The following JDP2 variants were observed in gnomAD, a reference collection of about 807,000 sequenced individuals.
JDP2 encodes the protein progesterone receptor co-activator.
JDP2 carries 9 observed loss-of-function variants against 17.1 expected under a neutral mutation model. The ratio of observed to expected loss-of-function variants is 0.53; its 90% CI spans 0.32 to 0.92. The LOEUF is 0.92. Ranked by LOEUF, JDP2 falls within the 40% of genes least tolerant of loss-of-function variation. The pLI is 0.04. For missense variants in JDP2, 179 were observed against 220.0 expected, an observed-to-expected ratio of 0.81 and a Z score of 1.18; for synonymous variants, 107 against 95.6, an observed-to-expected ratio of 1.12 and a Z score of -0.69.
At chr14:75,438,865 C>G (rs111790039) in intron 2 of JDP2, among the ~76,000 whole-genome samples, 3 of 152,262 alleles carry the variant, frequency 2.0e-5, no homozygotes, top group African/African-American at 4.8e-5. Flanking sequence ...GGCATGCCCC[C>G]GGCGACTTGC....
At chr14:75,441,336 T>G (rs550694243) in intron 2 of JDP2, among the ~76,000 whole-genome samples, 1 of 152,380 alleles carries the variant, frequency 6.6e-6, no homozygotes, top group South Asian at 2.1e-4. Context: ...TGCTTTGTGC[T>G]GATGTCATTA....
intron 1 of JDP2, among the ~76,000 whole-genome samples, chr14:75,431,703 G>T (rs1218755304): frequency 6.6e-6 from 1 of 152,224 alleles, no homozygotes; most frequent in East Asian, 1.9e-4. Flanking sequence ...ATGCAAGATG[G>T]TCCTGCCCCC....
intron 1 of JDP2, 86 bp from the exon 2 acceptor site, chr14:75,437,812 C>A: frequency 2.3e-6 from 2 of 885,162 alleles, no homozygotes; most frequent in Non-Finnish European, 3.3e-6. Flanking sequence ...GTGAAAGAAG[C>A]CACAGTCCTG....
At chr14:75,468,135 G>A (rs1437665673) in intron 3 of JDP2, among the ~76,000 whole-genome samples, 3 of 152,102 alleles carry the variant, frequency 2.0e-5, no homozygotes, top group East Asian at 1.9e-4. Flanking sequence ...TGTCACATAC[G>A]CAGTTGCAAC....
At chr14:75,456,699 C>T (rs1340660275) in intron 2 of JDP2, among the ~76,000 whole-genome samples, 1 of 152,212 alleles carries the variant, frequency 6.6e-6, no homozygotes, top group Non-Finnish European at 1.5e-5. Context: ...TTCCTGCCTC[C>T]CTGTGCCTGG....
chr14:75,432,562 T>A (rs1199139915), intron 1 of JDP2, among the ~76,000 whole-genome samples: 1 of 152,202 alleles, frequency 6.6e-6, no homozygotes, highest in Non-Finnish European at 1.5e-5. Context: ...CCTTGGCTTG[T>A]CACTCTCACC....
rs1886838812 is a variant in JDP2 at position 75,472,616 on chromosome 14, C to A, written c.*3141C>A. On this transcript the variant is annotated 3_prime_UTR_variant, in exon 4 of 4. Transcript: ENST00000651602. ...TCTGTGAAGTGGGAACAGTAATAAT[C>A]CAAGTCTTTTTATGGAGTTATCAAG... is the stretch of plus-strand genomic sequence containing the variant. The A allele has an allele frequency of 6.6e-6, 1 of 152,152 alleles. No homozygotes were observed. Among genetic ancestry groups the A allele is most frequent in the Non-Finnish European group, 1.5e-5 (1 of 68,040 alleles). The allele number at this position is 152,152 out of a possible 1,614,324, so 9.4% of individuals were successfully genotyped here.
In JDP2 at chr14:75,428,094, A is replaced by G. The variant is rs1408474788; in HGVS notation, c.-182A>G. The G allele has an allele frequency of 1.4e-5, 2 of 146,870 alleles. No individual in the cohort carries two copies. Among genetic ancestry groups the G allele is most frequent in the African/African-American group, 4.9e-5 (2 of 40,684 alleles). 9.1% of individuals were successfully genotyped at this position (146,870 alleles called of 1,614,324 possible). On this transcript the variant is annotated 5_prime_UTR_variant, in exon 1 of 4. Transcript: ENST00000651602. The surrounding 1 kb of genome is among the most constrained non-coding windows in gnomAD (Gnocchi z 5.6). ...GGGCGCTGGCGGCGGCGGACGCTGCAGCGGCGGCGGGGCTGGCGCCGCGGC... is the reference window on the plus strand; with the variant it reads ...GGGCGCTGGCGGCGGCGGACGCTGCGGCGGCGGCGGGGCTGGCGCCGCGGC...
chr14:75,473,425 C>G lies in JDP2; in HGVS notation c.*3950C>G, dbSNP rs1251260374. The G allele has an allele frequency of 6.6e-6, 1 of 152,172 alleles. No homozygotes were observed. Among genetic ancestry groups the G allele is most frequent in the Admixed American group, 6.5e-5 (1 of 15,282 alleles). The allele number at this position is 152,172 out of a possible 1,614,324, so 9.4% of individuals were successfully genotyped here. On this transcript the variant is annotated 3_prime_UTR_variant, in exon 4 of 4. Transcript: ENST00000651602. ...ACTGTGCAAAGCAATTTGGAAATAA[C>G]CAGTAAAACTAAAGCTAAACGCATC...
chr14:75,453,058 G>A (rs78194777), intron 2 of JDP2, among the ~76,000 whole-genome samples: 1,560 of 152,234 alleles, frequency 0.01, 22 homozygotes, highest in East Asian at 0.037. Flanking sequence ...GTTGGCTGAG[G>A]GCCCCTGGGG....
Position 75,428,559 on chromosome 14 carries a change from C to A in JDP2, c.-24+307C>A. On this transcript the variant is annotated intron_variant, in intron 1 of 3. Transcript: ENST00000651602. The surrounding 1 kb of genome is among the most constrained non-coding windows in gnomAD (Gnocchi z 5.6). ...CTTCTCCCTCCCGCGCTCTCCTCCC[C>A]CGTCCGTTTGCAGGGAGGTGCTCTC... is the stretch of plus-strand genomic sequence containing the variant. 6.6e-6 allele frequency: 1 copy of A among 152,374 alleles called. No homozygotes were observed. 9.4% of individuals were successfully genotyped at this position (152,374 alleles called of 1,614,324 possible). A position where few individuals can be genotyped will look rare whatever the true frequency, so the allele number is the denominator to read the frequency against.
chr14:75,447,904 C>G (rs1429032746), intron 2 of JDP2, among the ~76,000 whole-genome samples: 1 of 152,218 alleles, frequency 6.6e-6, no homozygotes, highest in Non-Finnish European at 1.5e-5. Context: ...AGTGATCCAC[C>G]TGCCTTGGCC....
chr14:75,445,186 T>A, intron 2 of JDP2: 1 of 985,418 alleles, frequency 1.0e-6, no homozygotes, highest in Non-Finnish European at 1.2e-6. Context: ...AAGTCTGTTT[T>A]CCTTCTACTG....
At chr14:75,447,571 G>A (rs544973025) in intron 2 of JDP2, among the ~76,000 whole-genome samples, 1 of 151,972 alleles carries the variant, frequency 6.6e-6, no homozygotes, top group African/African-American at 2.4e-5. Flanking sequence ...ATAGACTTCA[G>A]CACAAAGCTC....
chr14:75,438,692 G>A (rs1240874485), intron 2 of JDP2, among the ~76,000 whole-genome samples: 2 of 152,200 alleles, frequency 1.3e-5, no homozygotes, highest in African/African-American at 2.4e-5. Context: ...AGCAGTGTCC[G>A]CCTTAGATGG....
At chr14:75,447,324 G>T (rs986133263) in intron 2 of JDP2, among the ~76,000 whole-genome samples, 2 of 152,180 alleles carry the variant, frequency 1.3e-5, no homozygotes, top group Non-Finnish European at 2.9e-5. Flanking sequence ...TTTTGTAGAC[G>T]TCATCTCTGA....
intron 1 of JDP2, among the ~76,000 whole-genome samples, chr14:75,434,484 T>C (rs528063618): frequency 1.1e-4 from 17 of 152,194 alleles, no homozygotes; most frequent in Non-Finnish European, 2.2e-4. Flanking sequence ...TAGTGCCTTG[T>C]CTCCTGGGTG....
chr14:75,430,673 C>A lies in JDP2; in HGVS notation c.-24+2421C>A, dbSNP rs1010543817. 2.0e-5 allele frequency among the ~76,000 whole-genome samples: 3 copies of A among 152,086 alleles called. No individual in the cohort carries two copies. Among genetic ancestry groups the A allele is most frequent in the Non-Finnish European group, 4.4e-5 (3 of 68,024 alleles). On this transcript the variant is annotated intron_variant, in intron 1 of 3. Transcript: ENST00000651602. This position sits in a 1 kb window ranked among gnomAD's most constrained non-coding sequence, Gnocchi z 4.5. ...TGCAGCGTATGGTGGCCAATGAAAC[C>A]GGGCCTGGCTCATTCTGTTGCTTGT...
At chr14:75,454,128 A>G (rs1403213815) in intron 2 of JDP2, among the ~76,000 whole-genome samples, 2 of 152,126 alleles carry the variant, frequency 1.3e-5, no homozygotes, top group Non-Finnish European at 2.9e-5. Context: ...GGGCCTGAGA[A>G]ACACGGAAAT....
Sources: allele counts gnomAD v4.1 joint callset (sites outside exome capture counted in the v4.1 genomes callset), GRCh38; gene constraint gnomAD v4.1.1; non-coding constraint Gnocchi (gnomAD v3.1); transcripts MANE v1.5; gene names NCBI Gene and HGNC (gene_info 2026-07-23, HGNC 2026-07-21).